Variants in RRM1 observed in about 807,000 individuals in gnomAD.
RRM1 encodes ribonucleoside-diphosphate reductase large subunit.
In RRM1, 19 loss-of-function variants were observed where a neutral mutation model predicts 101.5. That is an observed-to-expected ratio of 0.19 (90% CI 0.13 to 0.27). The LOEUF (loss-of-function observed/expected upper bound fraction) is 0.27, where lower values mean the gene tolerates loss of function less well. Among genes scored for constraint, RRM1 ranks in the 10% least tolerant of loss-of-function variants. The pLI is 1.00. For missense variants in RRM1, 500 were observed against 962.9 expected (o/e 0.52, Z 6.36); for synonymous variants, 298 against 323.4 (o/e 0.92, Z 0.84).
chr11:4,119,435 A>G (rs1458715917), intron 8 of RRM1, among the ~76,000 whole-genome samples: 1 of 152,236 alleles, frequency 6.6e-6, no homozygotes, highest in African/African-American at 2.4e-5. Context: ...TAGCTATCGC[A>G]TATAATTCTT....
At chr11:4,113,946 GT>G (rs1565182869) in intron 7 of RRM1, among the ~76,000 whole-genome samples, 2 of 152,042 alleles carry the variant, frequency 1.3e-5, no homozygotes, top group Non-Finnish European at 2.9e-5. Flanking sequence ...GGGCAACATG[GT>G]GAAACCCTGT....
At chr11:4,101,797 G>T in intron 1 of RRM1, 196 bp from the exon 2 acceptor site, 1 of 562,168 alleles carries the variant, frequency 1.8e-6, no homozygotes, top group Non-Finnish European at 3.1e-6. Context: ...TGTCTGTATA[G>T]AATTCATACT....
rs781431147 is a variant in RRM1, at chr11:4,127,234, A to G, written c.1670A>G (p.Glu557Gly). The G allele has an allele frequency of 3.2e-4, 509 of 1,594,888 alleles. No individual in the cohort carries two copies. Among genetic ancestry groups the G allele is most frequent in the Admixed American group, 8.0e-4 (44 of 54,810 alleles). The change falls in exon 14 of 19, where the codon GAG (glutamate) becomes GGG (glycine). Residue 557 changes from glutamate (E) to glycine (G), a missense_variant. By Grantham distance (98) the Glu-to-Gly change is moderately conservative. Coordinates refer to ENST00000300738, the MANE Select transcript of RRM1 (RefSeq NM_001033.5). Reference sequence around the variant, plus strand: ...GAGCAGGGCCCATACGAAACCTATGAGGGCTCTCCAGTTAGCAAAGGAGTA... The same window carrying G: ...GAGCAGGGCCCATACGAAACCTATGGGGGCTCTCCAGTTAGCAAAGGAGTA... Reference protein sequence around the residue: ...AKEQGPYETYEGSPVSKGILQ... With the variant: ...AKEQGPYETYGGSPVSKGILQ...
intron 1 of RRM1, among the ~76,000 whole-genome samples, chr11:4,100,415 G>A (rs931403478): frequency 1.3e-5 from 2 of 152,128 alleles, no homozygotes; most frequent in Admixed American, 6.5e-5. Flanking sequence ...TGGAATATTC[G>A]CATTATACTT....
chr11:4,111,849 A>G (rs375890929), intron 6 of RRM1, 51 bp from the exon 7 acceptor site: 52 of 1,545,802 alleles, frequency 3.4e-5, no homozygotes, highest in Admixed American at 9.3e-5. Context: ...ACGTATCTCA[A>G]CCTACTTTTT....
At chr11:4,124,926 T>G (rs1005516148) in intron 12 of RRM1, among the ~76,000 whole-genome samples, 39 of 151,522 alleles carry the variant, frequency 2.6e-4, no homozygotes, top group Non-Finnish European at 3.7e-4. Flanking sequence ...TTTTATTTTT[T>G]TTTTTTTGAG....
intron 1 of RRM1, among the ~76,000 whole-genome samples, chr11:4,097,146 G>A (rs1446766478): frequency 1.3e-5 from 2 of 151,408 alleles, no homozygotes; most frequent in Admixed American, 6.6e-5. Flanking sequence ...TTAGCCGGAC[G>A]GTAGTGGTTT....
intron 2 of RRM1, among the ~76,000 whole-genome samples, chr11:4,102,639 G>A (rs889089735): frequency 3.4e-5 from 5 of 147,790 alleles, no homozygotes; most frequent in Non-Finnish European, 5.9e-5. Flanking sequence ...GCGACAGAGC[G>A]AGACTCCCTC....
In RRM1 at chr11:4,138,734, TAAG is replaced by T. The variant is rs971769309; in HGVS notation, c.*352_*354del. Reference sequence around the variant, plus strand: ...GCTTTTCTGAAGACTTCAGTTTTGTTAAGGAGATTTAGTTTTACTGCTTTGACT... The same window carrying T: ...GCTTTTCTGAAGACTTCAGTTTTGTTGAGATTTAGTTTTACTGCTTTGACT... On this transcript the variant is annotated 3_prime_UTR_variant, in exon 19 of 19. Coordinates refer to ENST00000300738, the MANE Select transcript of RRM1 (RefSeq NM_001033.5). 8.9e-6 allele frequency: 2 copies of T among 225,292 alleles called. No individual in the cohort carries two copies. Among genetic ancestry groups the T allele is most frequent in the African/African-American group, 4.5e-5 (2 of 44,882 alleles). 14.0% of individuals were successfully genotyped at this position (225,292 alleles called of 1,614,324 possible).
rs9937 is a variant in RRM1 at position 4,138,227 on chromosome 11, A to G, written c.2223A>G (p.Thr741=). 0.5 allele frequency: 795,745 copies of G among 1,582,966 alleles called. 208,637 individuals are homozygous for G. Among genetic ancestry groups the G allele is most frequent in the Non-Finnish European group, 0.55 (629,053 of 1,154,160 alleles). ...GLKTGMYYLR[T]RPAANPIQFT... The stretch of plus-strand genomic sequence containing the variant: ...AGACTGGGATGTATTATTTAAGGAC[A>G]AGACCAGCGGCTAATCCAATCCAGT... Residue 741 remains threonine (T), a synonymous_variant, in exon 19 of 19, where the codon ACA becomes ACG. Transcript: ENST00000300738.
chr11:4,133,499 T>C, intron 16 of RRM1, 64 bp from the exon 17 acceptor site: 2 of 974,948 alleles, frequency 2.1e-6, no homozygotes, highest in Non-Finnish European at 1.6e-6. Flanking sequence ...GCTTCAAAGC[T>C]GTAGTCTTTT....
chr11:4,126,349 T>C (rs555599056), intron 12 of RRM1, among the ~76,000 whole-genome samples: 21 of 152,356 alleles, frequency 1.4e-4, no homozygotes, highest in Middle Eastern at 3.4e-3. Context: ...AGGGCACTCA[T>C]CTACTGAATA....
In RRM1 at chr11:4,131,272, G is replaced by A. The variant is rs564386732; in HGVS notation, c.1770-1014G>A. On this transcript the variant is annotated intron_variant, in intron 15 of 18. Coordinates refer to ENST00000300738, the MANE Select transcript of RRM1 (RefSeq NM_001033.5). ...ACTATCTCATGAGAACAGCATGAGGGTAACCTCCTCTGTGATTAAATTACC... is the reference window on the plus strand; with the variant it reads ...ACTATCTCATGAGAACAGCATGAGGATAACCTCCTCTGTGATTAAATTACC... Among the ~76,000 whole-genome samples the A allele has an allele frequency of 3.9e-5, 6 of 152,326 alleles. No homozygotes were observed. In the South Asian group the frequency reaches 6.2e-4, roughly 16 times the overall value.
intron 9 of RRM1, among the ~76,000 whole-genome samples, chr11:4,120,350 G>C (rs1426537394): frequency 6.6e-6 from 1 of 151,722 alleles, no homozygotes; most frequent in East Asian, 1.9e-4. Flanking sequence ...AAATGGGGTT[G>C]TAACATGTGC....
intron 17 of RRM1, among the ~76,000 whole-genome samples, chr11:4,134,551 CTG>C (rs1161017689): frequency 1.3e-5 from 2 of 152,186 alleles, no homozygotes; most frequent in African/African-American, 4.8e-5. Context: ...ATGACAGAAA[CTG>C]TAGCATTAGC....
At chr11:4,122,348 T>TA in intron 11 of RRM1, 128 bp downstream of exon 11, 1 of 620,522 alleles carries the variant, frequency 1.6e-6, no homozygotes, top group Non-Finnish European at 2.6e-6. Context: ...GACTAATAAT[T>TA]TTGGTCAGAT....
chr11:4,107,682 A>C, intron 4 of RRM1, 147 bp downstream of exon 4: 2 of 594,586 alleles, frequency 3.4e-6, no homozygotes, highest in Non-Finnish European at 3.0e-6. Context: ...TCTAGAAACA[A>C]CTTTATCATT....
upstream of RRM1, chr11:4,094,730 G>C (rs1187275246): frequency 5.5e-6 from 3 of 546,814 alleles, no homozygotes; most frequent in Non-Finnish European, 9.9e-6. Context: ...CACGTCGCCT[G>C]TCAGTCTGTG....
At chr11:4,112,124 C>T in intron 7 of RRM1, 62 bp downstream of exon 7, 1 of 1,308,176 alleles carries the variant, frequency 7.6e-7, no homozygotes, top group Non-Finnish European at 1.1e-6. Context: ...TAGTTCATCA[C>T]ATAAAAAATA....
Sources: gnomAD v4.1 joint callset for allele counts (sites outside exome capture counted in the v4.1 genomes callset) on GRCh38, gnomAD v4.1.1 for gene constraint, MANE v1.5 for transcripts, NCBI Gene and HGNC (gene_info 2026-07-23, HGNC 2026-07-21) for gene names.